The following SENP5 variants were observed in gnomAD, a reference collection of about 807,000 sequenced individuals.
SENP5 encodes the protein SUMO specific peptidase 5.
In SENP5, 21 loss-of-function variants were observed where a neutral mutation model predicts 74.2. The ratio of observed to expected loss-of-function variants is 0.28; its 90% confidence interval spans 0.20 to 0.41. The LOEUF (loss-of-function observed/expected upper bound fraction) is 0.41. Among genes scored for constraint, SENP5 ranks in the 10% least tolerant of loss-of-function variants. SENP5 has a pLI of 1.00. For missense variants in SENP5, 717 were observed against 889.1 expected (o/e 0.81, Z 2.46); for synonymous variants, 311 against 312.7 (o/e 0.99, Z 0.06).
chr3:196,918,261 T>G (rs917678520), intron 6 of SENP5, among the ~76,000 whole-genome samples: 11 of 150,774 alleles, frequency 7.3e-5, no homozygotes. Flanking sequence ...GAGCCCTGAT[T>G]GTGCCACTGC....
chr3:196,880,286 G>T (rs867901290), intron 1 of SENP5, among the ~76,000 whole-genome samples: 1 of 152,112 alleles, frequency 6.6e-6, no homozygotes, highest in Non-Finnish European at 1.5e-5. Flanking sequence ...TTGCTATGTT[G>T]CCCAGGCTGA....
At chr3:196,875,589 C>T (rs1448416882) in intron 1 of SENP5, among the ~76,000 whole-genome samples, 1 of 152,068 alleles carries the variant, frequency 6.6e-6, no homozygotes, top group African/African-American at 2.4e-5. Flanking sequence ...CCTCTCTTTC[C>T]TAGGAACTCT....
chr3:196,868,138 C>T (rs559286903), intron 1 of SENP5, 65 bp downstream of exon 1: 31 of 152,358 alleles, frequency 2.0e-4, no homozygotes, highest in African/African-American at 7.5e-4. Context: ...TGGCTGGGGC[C>T]ATTCCCGCGC....
rs1053708288 is a variant in SENP5 at position 196,931,596 on chromosome 3, C to T, written c.*673C>T. ...GTGTGAGAAAAAGCAACCTTGGAGG[C>T]CAGTAACAATGACAGATTTCAATCG... On this transcript the variant is annotated 3_prime_UTR_variant, in exon 10 of 10. Transcript: ENST00000323460. 1.6e-5 allele frequency: 4 copies of T among 250,918 alleles called. No individual in the cohort carries two copies. The Admixed American group carries it at 1.7e-4, about 11-fold the overall frequency. 15.5% of individuals were successfully genotyped at this position (250,918 alleles called of 1,614,324 possible).
At chr3:196,903,768 T>G (rs1714793395) in intron 6 of SENP5, among the ~76,000 whole-genome samples, 158 bp downstream of exon 6, 1 of 152,274 alleles carries the variant, frequency 6.6e-6, no homozygotes, top group African/African-American at 2.4e-5. Flanking sequence ...TCTTATTGTT[T>G]GAAAGACCTT....
rs748910560 is a variant in SENP5 at position 196,880,355 on chromosome 3, A to G, written c.-31-4796A>G. Reference sequence around the variant, plus strand: ...CTCCGCCTCCCACGTAGGTGGGTCTACAGGTGTGCACCACTGTACCTGGCC... The same window carrying G: ...CTCCGCCTCCCACGTAGGTGGGTCTGCAGGTGTGCACCACTGTACCTGGCC... On this transcript the variant is annotated intron_variant, in intron 1 of 9. Coordinates refer to ENST00000323460, the MANE Select transcript of SENP5 (RefSeq NM_152699.5). Among the ~76,000 whole-genome samples the G allele has an allele frequency of 6.6e-5, 10 of 152,186 alleles. 1 individual carries two copies. The South Asian group carries it at 1.2e-3, about 19-fold the overall frequency.
chr3:196,905,535 C>T (rs1407069598), intron 6 of SENP5, among the ~76,000 whole-genome samples: 3 of 152,234 alleles, frequency 2.0e-5, no homozygotes, highest in Non-Finnish European at 4.4e-5. Context: ...ATTAATTTGC[C>T]GGAGCGGTTC....
chr3:196,930,719 T>C (rs1173113700), intron 9 of SENP5, 94 bp from the exon 10 acceptor site: 16 of 829,422 alleles, frequency 1.9e-5, no homozygotes, highest in Non-Finnish European at 3.3e-5. Flanking sequence ...TCTTCTGCCT[T>C]AGACACTATT....
At chr3:196,876,805 G>C (rs529484128) in intron 1 of SENP5, among the ~76,000 whole-genome samples, 60 of 151,966 alleles carry the variant, frequency 3.9e-4, no homozygotes, top group Non-Finnish European at 7.6e-4. Flanking sequence ...CTGGAGCCTG[G>C]AAAGTTGGGG....
intron 6 of SENP5, 88 bp downstream of exon 6, chr3:196,903,698 A>G: frequency 1.4e-6 from 1 of 698,790 alleles, no homozygotes; most frequent in Non-Finnish European, 2.4e-6. Flanking sequence ...TAATGCCAAT[A>G]CGATGTTAAG....
chr3:196,906,260 G>A lies in SENP5; in HGVS notation c.1884+2650G>A, dbSNP rs1032631973. On this transcript the variant is annotated intron_variant, in intron 6 of 9. Transcript: ENST00000323460. ...ACATCAGAAATTCCAAGGACTTTAG[G>A]GAGTTGTATGCCAGGAAATGAGGTC... is the stretch of plus-strand genomic sequence containing the variant. Among the ~76,000 whole-genome samples the A allele has an allele frequency of 2.0e-5, 3 of 152,070 alleles. No individual in the cohort carries two copies. The South Asian group carries it at 6.2e-4, about 32-fold the overall frequency.
In SENP5 at chr3:196,932,888, G is replaced by C. The variant is rs1022084924; in HGVS notation, c.*1965G>C. On this transcript the variant is annotated 3_prime_UTR_variant, in exon 10 of 10. Coordinates refer to ENST00000323460, the MANE Select transcript of SENP5 (RefSeq NM_152699.5). ...ATGCAGAAGAGACAGAATTGTTCCT[G>C]TAAGAAAATCAACGCCGAGAGAGAG... 6.6e-6 allele frequency: 1 copy of C among 151,628 alleles called. No homozygotes were observed. The highest frequency in any genetic ancestry group is 2.4e-5 in the African/African-American group (1 of 41,244). The allele number at this position is 151,628 out of a possible 1,614,324, so 9.4% of individuals were successfully genotyped here. A position where few individuals can be genotyped will look rare whatever the true frequency, so the allele number is the denominator to read the frequency against.
chr3:196,924,822 C>T (rs1375491745), intron 7 of SENP5, among the ~76,000 whole-genome samples: 1 of 152,040 alleles, frequency 6.6e-6, no homozygotes, highest in East Asian at 1.9e-4. Flanking sequence ...TATAATAGTG[C>T]AAAATAAAAC....
At chr3:196,884,892 C>T (rs570659102) in intron 1 of SENP5, among the ~76,000 whole-genome samples, 1 of 151,956 alleles carries the variant, frequency 6.6e-6, no homozygotes. Context: ...TGCGCCTGGT[C>T]GAAAATGATT....
chr3:196,882,566 C>G (rs1195822256), intron 1 of SENP5, among the ~76,000 whole-genome samples: 1 of 152,044 alleles, frequency 6.6e-6, no homozygotes, highest in Non-Finnish European at 1.5e-5. Flanking sequence ...TGCAGTGGTG[C>G]GATCTCAGTT....
chr3:196,913,465 G>C (rs957160864), intron 6 of SENP5: 3 of 150,896 alleles, frequency 2.0e-5, no homozygotes, highest in African/African-American at 7.3e-5. Flanking sequence ...AGCTATTCGG[G>C]AGGCTGAGGC....
intron 5 of SENP5, among the ~76,000 whole-genome samples, chr3:196,902,434 T>C (rs1004030638): frequency 6.6e-6 from 1 of 152,232 alleles, no homozygotes; most frequent in Non-Finnish European, 1.5e-5. Context: ...GTCTGGCAGC[T>C]CTTTCAGTCT....
In SENP5 at chr3:196,923,524, A is replaced by G; in HGVS notation, c.1995A>G (p.Gln665=). 4 of 1,609,368 alleles carry G rather than the reference A, an allele frequency of 2.5e-6. No individual in the cohort carries two copies. Among genetic ancestry groups the G allele is most frequent in the Non-Finnish European group, 3.4e-6 (4 of 1,177,218 alleles). Reference sequence around the variant, plus strand: ...GAATTATTTCATTTTATGATTCCCAAGGCATTCATTTTAAGTTTTGTGTAG... The same window carrying G: ...GAATTATTTCATTTTATGATTCCCAGGGCATTCATTTTAAGTTTTGTGTAG... ...SNRIISFYDS[Q]GIHFKFCVEN... The change falls in exon 7 of 10, where the codon CAA becomes CAG. Residue 665 remains glutamine, a synonymous_variant. Transcript: ENST00000323460.
At chr3:196,905,388 C>T (rs1488454365) in intron 6 of SENP5, among the ~76,000 whole-genome samples, 1 of 152,136 alleles carries the variant, frequency 6.6e-6, no homozygotes, top group East Asian at 1.9e-4. Context: ...GAGACAGTGC[C>T]ACGTCCCATA....
Sources: allele counts gnomAD v4.1 joint callset (sites outside exome capture counted in the v4.1 genomes callset), GRCh38; gene constraint gnomAD v4.1.1; transcripts MANE v1.5; gene names NCBI Gene and HGNC (gene_info 2026-07-23, HGNC 2026-07-21).